The following TAOK1 variants were observed in gnomAD, a reference collection of about 807,000 sequenced individuals.
The protein encoded by TAOK1 is serine/threonine-protein kinase TAO1.
A neutral mutation model predicts 138.3 loss-of-function variants in TAOK1; 21 were observed. The observed-to-expected ratio is 0.15, with a 90% CI of 0.11 to 0.22. TAOK1 has a LOEUF of 0.22. Among genes scored for constraint, TAOK1 ranks in the 10% least tolerant of loss-of-function variants. The pLI, the probability that TAOK1 is intolerant of heterozygous loss-of-function variation, is 1.00. For missense variants in TAOK1, 651 were observed against 1,227.7 expected (o/e 0.53, Z 7.02); for synonymous variants, 361 against 398.4 (o/e 0.91, Z 1.12).
intron 18 of TAOK1, among the ~76,000 whole-genome samples, chr17:29,531,128 A>ATT (rs1037939946): frequency 7.1e-6 from 1 of 140,564 alleles, no homozygotes; most frequent in Non-Finnish European, 1.6e-5. Context: ...TGCCCGGCTA[A>ATT]TTTTTTTTTT....
intron 10 of TAOK1, among the ~76,000 whole-genome samples, chr17:29,493,041 G>A (rs528109066): frequency 6.6e-6 from 1 of 151,914 alleles, no homozygotes; most frequent in Admixed American, 6.6e-5. Flanking sequence ...CTCAGGAGGC[G>A]GAGGCACAAA....
intron 17 of TAOK1, among the ~76,000 whole-genome samples, chr17:29,525,727 C>G (rs1412900971): frequency 6.6e-6 from 1 of 152,194 alleles, no homozygotes; most frequent in African/African-American, 2.4e-5. Context: ...AAACTTTTCG[C>G]TGGGGCAGTC....
At chr17:29,495,108 T>C (rs1003184687) in intron 10 of TAOK1, among the ~76,000 whole-genome samples, 1 of 152,176 alleles carries the variant, frequency 6.6e-6, no homozygotes, top group African/African-American at 2.4e-5. Context: ...TTATAAAGAA[T>C]ATTGTTCACG....
At chr17:29,466,501 T>G (rs1173408269) in intron 2 of TAOK1, among the ~76,000 whole-genome samples, 1 of 152,200 alleles carries the variant, frequency 6.6e-6, no homozygotes, top group Non-Finnish European at 1.5e-5. Flanking sequence ...AAATTTGGTT[T>G]GCTAATTTTA....
chr17:29,498,947 C>G (rs1053224258), intron 12 of TAOK1, among the ~76,000 whole-genome samples: 1 of 151,098 alleles, frequency 6.6e-6, no homozygotes, highest in African/African-American at 2.4e-5. Flanking sequence ...AAGTTTGGAA[C>G]ATTTTTTAAT....
At chr17:29,409,453 G>A (rs1905089965) in intron 1 of TAOK1, among the ~76,000 whole-genome samples, 1 of 150,318 alleles carries the variant, frequency 6.7e-6, no homozygotes, top group African/African-American at 2.4e-5. Context: ...TCCTGCCTCA[G>A]CCTCTCGAGT....
At position 29,436,021 on chromosome 17, in the gene TAOK1, T is replaced by C. The variant is rs568723798; in HGVS notation, c.-94-15434T>C. Among the ~76,000 whole-genome samples, 173 of 152,238 alleles carry C rather than the reference T, an allele frequency of 1.1e-3. 1 individual carries two copies. Among genetic ancestry groups the C allele is most frequent in the Non-Finnish European group, 1.3e-3 (89 of 67,988 alleles). Reference sequence around the variant, plus strand: ...GGCTGGTGCCTGTAATCCCAGCTACTTGAAAGGCTGAGGCAAGGGAATCGG... The same window carrying C: ...GGCTGGTGCCTGTAATCCCAGCTACCTGAAAGGCTGAGGCAAGGGAATCGG... On this transcript the variant is annotated intron_variant, in intron 1 of 19. Transcript: ENST00000261716.
chr17:29,440,157 ACT>A (rs1435199287), intron 1 of TAOK1, among the ~76,000 whole-genome samples: 1 of 152,012 alleles, frequency 6.6e-6, no homozygotes, highest in African/African-American at 2.4e-5. Context: ...AATAGTCACA[ACT>A]CTGTTTTTTT....
intron 2 of TAOK1, among the ~76,000 whole-genome samples, chr17:29,464,695 T>C (rs762894807): frequency 5.9e-5 from 9 of 152,170 alleles, no homozygotes; most frequent in Admixed American, 2.0e-4. Flanking sequence ...CTTATGTGGC[T>C]AGATCTACTT....
At chr17:29,409,623 G>A (rs140347558) in intron 1 of TAOK1, among the ~76,000 whole-genome samples, 44 of 152,024 alleles carry the variant, frequency 2.9e-4, no homozygotes, top group African/African-American at 1.0e-3. Flanking sequence ...GTGAGCCACC[G>A]CACCCAGCCT....
intron 11 of TAOK1, among the ~76,000 whole-genome samples, chr17:29,496,174 C>G (rs1385862560): frequency 2.0e-5 from 3 of 152,158 alleles, no homozygotes; most frequent in African/African-American, 7.2e-5. Flanking sequence ...GATCTCGGCT[C>G]ACTGCAACCT....
At chr17:29,504,838 G>C (rs1159576795) in intron 13 of TAOK1, among the ~76,000 whole-genome samples, 1 of 152,150 alleles carries the variant, frequency 6.6e-6, no homozygotes, top group Non-Finnish European at 1.5e-5. Flanking sequence ...CCATAAGTCA[G>C]GTTATTCCTA....
In TAOK1 at chr17:29,491,542, T is replaced by C. The variant is rs564223433; in HGVS notation, c.750-242T>C. 4.6e-5 allele frequency among the ~76,000 whole-genome samples: 7 copies of C among 152,328 alleles called. No homozygotes were observed. In the South Asian group the frequency reaches 1.4e-3, roughly 32 times the overall value. On this transcript the variant is annotated intron_variant, in intron 9 of 19. Coordinates refer to ENST00000261716, the MANE Select transcript of TAOK1 (RefSeq NM_020791.4). ...CGATATAGTAATATGAGTTGTGATA[T>C]TTAAATATGTAGGAGCAGGATTTTA...
chr17:29,481,325 C>G (rs2031058376), intron 7 of TAOK1, among the ~76,000 whole-genome samples: 1 of 151,668 alleles, frequency 6.6e-6, no homozygotes, highest in Non-Finnish European at 1.5e-5. Context: ...TCCTGAGTAG[C>G]TGGGATTACA....
intron 1 of TAOK1, among the ~76,000 whole-genome samples, chr17:29,441,123 G>GTAT (rs1001078871): frequency 6.6e-6 from 1 of 152,068 alleles, no homozygotes; most frequent in Non-Finnish European, 1.5e-5. Context: ...TTCATAAGGG[G>GTAT]TATTGGTCTG....
At chr17:29,493,249 C>CTT (rs1436180329) in intron 10 of TAOK1, among the ~76,000 whole-genome samples, 3 of 151,930 alleles carry the variant, frequency 2.0e-5, no homozygotes, top group Non-Finnish European at 4.4e-5. Context: ...AATCACAGCA[C>CTT]TTTGGGAGGC....
intron 1 of TAOK1, among the ~76,000 whole-genome samples, chr17:29,414,015 T>A (rs1905209504): frequency 6.6e-6 from 1 of 150,930 alleles, no homozygotes; most frequent in Non-Finnish European, 1.5e-5. Flanking sequence ...CCCTAGTAGC[T>A]GGGACTATAG....
intron 15 of TAOK1, among the ~76,000 whole-genome samples, chr17:29,516,309 A>G (rs185000805): frequency 2.0e-5 from 3 of 151,888 alleles, no homozygotes; most frequent in Admixed American, 2.0e-4. Context: ...ATATTCACGT[A>G]GGTAATTTTT....
chr17:29,391,256 G>T (rs1442191098), intron 1 of TAOK1, among the ~76,000 whole-genome samples: 1 of 152,158 alleles, frequency 6.6e-6, no homozygotes, highest in Non-Finnish European at 1.5e-5. Context: ...AAGGGGTGGT[G>T]GAAGGGGGAT....
Sources: gnomAD v4.1 joint callset for allele counts (sites outside exome capture counted in the v4.1 genomes callset) on GRCh38, gnomAD v4.1.1 for gene constraint, MANE v1.5 for transcripts, NCBI Gene and HGNC (gene_info 2026-07-23, HGNC 2026-07-21) for gene names.